The following MYPN variants were observed in gnomAD, a reference collection of about 807,000 sequenced individuals.
MYPN encodes sarcomeric protein myopalladin, 145 kDa (MYOP).
Under a neutral mutation model 129.4 loss-of-function variants are expected in MYPN, and 63 were observed. That is an observed-to-expected ratio of 0.49 (90% CI 0.40 to 0.60). The LOEUF (loss-of-function observed/expected upper bound fraction) is 0.60. MYPN is among the 20% of genes least tolerant of loss of function. The pLI is 0.00. For synonymous variants in MYPN, 629 were observed against 600.9 expected, an observed-to-expected ratio of 1.05 and a Z score of -0.68; for missense variants, 1,596 against 1,635.4, an observed-to-expected ratio of 0.98 and a Z score of 0.42.
intron 2 of MYPN, among the ~76,000 whole-genome samples, chr10:68,130,979 T>C (rs2042401261): frequency 6.6e-6 from 1 of 152,234 alleles, no homozygotes; most frequent in South Asian, 2.1e-4. Context: ...GATTTATTTA[T>C]CTCGCTATAA....
upstream of MYPN, among the ~76,000 whole-genome samples, chr10:68,104,930 C>T (rs776671046): frequency 1.3e-5 from 2 of 151,910 alleles, no homozygotes; most frequent in African/African-American, 2.4e-5. Flanking sequence ...ATTACAGGCA[C>T]GCACCACCAC....
At chr10:68,180,223 G>A (rs2043294055) in intron 12 of MYPN, among the ~76,000 whole-genome samples, 1 of 152,192 alleles carries the variant, frequency 6.6e-6, no homozygotes, top group Admixed American at 6.5e-5. Context: ...CTGTCACCCA[G>A]GCTGGAGTGC....
chr10:68,194,600 A>C, intron 14 of MYPN, 88 bp downstream of exon 14: 1 of 1,428,592 alleles, frequency 7.0e-7, no homozygotes, highest in Non-Finnish European at 9.7e-7. Context: ...AGTGCGAGTT[A>C]CTAAGGATTG....
chr10:68,184,469 C>T (rs1157375564), intron 12 of MYPN, among the ~76,000 whole-genome samples: 1 of 152,086 alleles, frequency 6.6e-6, no homozygotes, highest in African/African-American at 2.4e-5. Flanking sequence ...ACTCTTGTCC[C>T]CTAGGCTGGA....
At chr10:68,113,482 G>A (rs1589521001) in intron 1 of MYPN, among the ~76,000 whole-genome samples, 1 of 152,034 alleles carries the variant, frequency 6.6e-6, no homozygotes, top group Admixed American at 6.5e-5. Context: ...GATCACTTGA[G>A]CCCAGGAGTT....
At position 68,212,003 on chromosome 10, in the gene MYPN, C is replaced by T. The variant is rs945965986; in HGVS notation, c.*1548C>T. 1 of 358,680 alleles carries T rather than the reference C, an allele frequency of 2.8e-6. No individual in the cohort carries two copies. Among genetic ancestry groups the T allele is most frequent in the African/African-American group, 2.1e-5 (1 of 46,768 alleles). 22.2% of individuals were successfully genotyped at this position (358,680 alleles called of 1,614,324 possible). A position where few individuals can be genotyped will look rare whatever the true frequency, so the allele number is the denominator to read the frequency against. On this transcript the variant is annotated 3_prime_UTR_variant, in exon 20 of 20. Coordinates refer to ENST00000358913, the MANE Select transcript of MYPN (RefSeq NM_032578.4). The stretch of plus-strand genomic sequence containing the variant: ...AGGATTTCCAGCATAAAAATAAATT[C>T]ATTCACTGGAGAAATCATTTGTATG...
chr10:68,105,394 A>G (rs571184544), upstream of MYPN, among the ~76,000 whole-genome samples: 1 of 152,324 alleles, frequency 6.6e-6, no homozygotes, highest in East Asian at 1.9e-4. Context: ...TACCAAGACT[A>G]TAGTATATTT....
chr10:68,124,269 G>A (rs1284314193), intron 2 of MYPN, among the ~76,000 whole-genome samples: 3 of 152,144 alleles, frequency 2.0e-5, no homozygotes, highest in Non-Finnish European at 4.4e-5. Context: ...TGAAAAATGT[G>A]GTTGAAGTGG....
rs775551455 is a variant in MYPN at position 68,174,262 on chromosome 10, A to G, written c.2170A>G (p.Lys724Glu). ...ACAGACGTTCAGCTTGGCCCGGCCGAAGTATTTCTTCCCCTCCACGAACAC... is the reference window on the plus strand; with the variant it reads ...ACAGACGTTCAGCTTGGCCCGGCCGGAGTATTTCTTCCCCTCCACGAACAC... ...SSQTFSLARPKYFFPSTNTTA... is the reference protein window; with the variant it reads ...SSQTFSLARPEYFFPSTNTTA... The change falls in exon 11 of 20, where the codon AAG (lysine) becomes GAG (glutamate). Residue 724 changes from lysine (K) to glutamate (E), a missense_variant. Transcript: ENST00000358913. The G allele has an allele frequency of 6.2e-7, 1 of 1,614,070 alleles. No homozygotes were observed. The highest frequency in any genetic ancestry group is 8.5e-7 in the Non-Finnish European group (1 of 1,180,016).
intron 2 of MYPN, among the ~76,000 whole-genome samples, chr10:68,138,924 A>AT (rs147983150): frequency 0.011 from 1,647 of 152,050 alleles, 27 homozygotes; most frequent in African/African-American, 0.038. Flanking sequence ...TGATGACACC[A>AT]TTTTTTTACA....
intron 1 of MYPN, among the ~76,000 whole-genome samples, chr10:68,093,091 C>T (rs1261603393): frequency 6.6e-6 from 1 of 152,054 alleles, no homozygotes; most frequent in Non-Finnish European, 1.5e-5. Context: ...CCAGGCTGGT[C>T]TCCCATGAAC....
At chr10:68,107,267 G>T (rs996476263), upstream of MYPN, among the ~76,000 whole-genome samples, 1 of 150,618 alleles carries the variant, frequency 6.6e-6, no homozygotes, top group Admixed American at 6.6e-5. Context: ...TATGGTATCT[G>T]TATTTGAAAA....
chr10:68,152,867 A>T (rs1018388343), intron 6 of MYPN, among the ~76,000 whole-genome samples: 3 of 151,942 alleles, frequency 2.0e-5, no homozygotes, highest in Non-Finnish European at 4.4e-5. Context: ...AAAACTCCTG[A>T]CCTCAGATCC....
intron 10 of MYPN, among the ~76,000 whole-genome samples, chr10:68,168,991 TAAAAAAAAAAAA>T (rs71009012): frequency 1.2e-4 from 10 of 80,330 alleles, no homozygotes; most frequent in East Asian, 8.5e-4. Context: ...GATTATTTCT[TAAAAAAAAAAAA>T]AAAAAAAAAA....
chr10:68,205,148 T>C (rs192107174), intron 18 of MYPN, among the ~76,000 whole-genome samples: 11 of 152,200 alleles, frequency 7.2e-5, no homozygotes, highest in African/African-American at 2.4e-4. Context: ...CTTTATACAG[T>C]GTTACATTTT....
intron 10 of MYPN, among the ~76,000 whole-genome samples, chr10:68,167,906 A>G (rs998883837): frequency 6.6e-6 from 1 of 152,212 alleles, no homozygotes; most frequent in African/African-American, 2.4e-5. Context: ...TAAACCAAAC[A>G]CAACCAAATC....
intron 7 of MYPN, among the ~76,000 whole-genome samples, chr10:68,160,812 G>T (rs1417631746): frequency 6.6e-6 from 1 of 152,080 alleles, no homozygotes; most frequent in Non-Finnish European, 1.5e-5. Flanking sequence ...AGCTACGCAG[G>T]AGCCTGAGGT....
At position 68,189,063 on chromosome 10, in the gene MYPN, C is replaced by T. The variant is rs199476413; in HGVS notation, c.2862C>T (p.Phe954=). 1.2e-6 allele frequency: 2 copies of T among 1,614,144 alleles called. No individual in the cohort carries two copies. The highest frequency in any genetic ancestry group is 1.7e-6 in the Non-Finnish European group (2 of 1,180,014). ...TCTTTGACAAGAGACTCAAGCACTT[C>T]CGGGTCACAGAAGGCTCTCCAGTTA... ...APIFDKRLKH[F]RVTEGSPVTF... is the part of the protein sequence containing the mutation. The change falls in exon 13 of 20, where the codon TTC becomes TTT. Residue 954 remains phenylalanine, a synonymous_variant. Coordinates refer to ENST00000358913, the MANE Select transcript of MYPN (RefSeq NM_032578.4).
intron 10 of MYPN, among the ~76,000 whole-genome samples, chr10:68,171,313 T>A (rs1238481615): frequency 6.6e-6 from 1 of 152,098 alleles, no homozygotes; most frequent in Non-Finnish European, 1.5e-5. Flanking sequence ...AGCCTATGCT[T>A]TGGGGCCAAA....
Sources: gnomAD v4.1 joint callset for allele counts (sites outside exome capture counted in the v4.1 genomes callset) on GRCh38, gnomAD v4.1.1 for gene constraint, MANE v1.5 for transcripts, NCBI Gene and HGNC (gene_info 2026-07-23, HGNC 2026-07-21) for gene names.